MESP1: variants seen among roughly 807,000 people sequenced by gnomAD.
MESP1 encodes the protein mesoderm posterior protein 1.
MESP1 carries 22 observed loss-of-function variants against 15.2 expected under a neutral mutation model. The observed-to-expected ratio is 1.45, with a 90% CI of 1.04 to 2.07. The LOEUF (loss-of-function observed/expected upper bound fraction) is 2.07. Among genes scored for constraint, MESP1 ranks in the 30% most tolerant of loss-of-function variants. MESP1 has a pLI of 0.00. For missense variants in MESP1, 484 were observed against 411.9 expected, an observed-to-expected ratio of 1.17 and a Z score of -1.51; for synonymous variants, 216 against 192.6, an observed-to-expected ratio of 1.12 and a Z score of -1.01.
Position 89,751,182 on chromosome 15 carries a change from G to A in MESP1, c.50C>T (p.Ala17Val), listed in dbSNP as rs866371758. The A allele has an allele frequency of 7.9e-7, 1 of 1,269,986 alleles. No individual in the cohort carries two copies. The highest frequency in any genetic ancestry group is 9.9e-7 in the Non-Finnish European group (1 of 1,010,158). 78.7% of individuals were successfully genotyped at this position (1,269,986 alleles called of 1,614,324 possible). A position where few individuals can be genotyped will look rare whatever the true frequency, so the allele number is the denominator to read the frequency against. The change falls in exon 1 of 2, where the codon GCG becomes GTG. Residue 17 changes from alanine (A) to valine (V), a missense_variant. Transcript: ENST00000300057. The part of the protein sequence containing the change: ...PPLSESWMLS[A>V]AWGPTRRPPP... ...CGGCCGCCGAGTTGGGCCCCAGGCC[G>A]CAGAGAGCATCCAGGACTCGGAGAG... is the stretch of plus-strand genomic sequence containing the variant.
chr15:89,743,165 G>C, the MESP1 span: 2 of 853,498 alleles, frequency 2.3e-6, no homozygotes, highest in Non-Finnish European at 1.9e-6. Flanking sequence ...TGAGGACACA[G>C]AGGCGATGCA....
chr15:89,747,189 C>T (rs923002262), downstream of MESP1, among the ~76,000 whole-genome samples: 1 of 152,086 alleles, frequency 6.6e-6, no homozygotes, highest in African/African-American at 2.4e-5. Context: ...CAGGCTTCAC[C>T]AACCACCAGC....
chr15:89,738,258 C>T, the MESP1 span: 1 of 1,561,262 alleles, frequency 6.4e-7, no homozygotes, highest in Non-Finnish European at 8.7e-7. Flanking sequence ...TGTGTCTTCA[C>T]CCCCTCCCAC....
the MESP1 span, among the ~76,000 whole-genome samples, chr15:89,734,062 T>G: frequency 6.6e-6 from 1 of 151,860 alleles, no homozygotes; most frequent in East Asian, 1.9e-4. Context: ...AATAATGAGA[T>G]CAACTCCCCT....
chr15:89,750,921 T>A lies in MESP1; in HGVS notation c.311A>T (p.Glu104Val). The A allele has an allele frequency of 6.8e-7, 1 of 1,479,860 alleles. No individual in the cohort carries two copies. The highest frequency in any genetic ancestry group is 1.4e-5 in the African/African-American group (1 of 69,144). The allele number at this position is 1,479,860 out of a possible 1,614,324, so 91.7% of individuals were successfully genotyped here. ...GGACGGCGGTAGAAAGCGGCGCAGC[T>A]CGTGCAGGGCGCGGGCCAGCGTGCG... ...RMRTLARALHELRRFLPPSVA... is the reference protein window; with the variant it reads ...RMRTLARALHVLRRFLPPSVA... The change falls in exon 1 of 2, where the codon GAG becomes GTG. Residue 104 changes from glutamate (E) to valine (V), a missense_variant. Transcript: ENST00000300057.
chr15:89,739,091 G>T, the MESP1 span, among the ~76,000 whole-genome samples: 1 of 150,220 alleles, frequency 6.7e-6, no homozygotes, highest in African/African-American at 2.5e-5. Flanking sequence ...ACTCCAGCCT[G>T]GGTGACAGAG....
the MESP1 span, among the ~76,000 whole-genome samples, chr15:89,734,078 C>T: frequency 2.0e-5 from 3 of 152,058 alleles, no homozygotes; most frequent in African/African-American, 7.2e-5. Context: ...CCCCTGAAAC[C>T]GTTGGAAATC....
chr15:89,746,990 C>A (rs1967977675), downstream of MESP1, among the ~76,000 whole-genome samples: 2 of 148,824 alleles, frequency 1.3e-5, no homozygotes, highest in South Asian at 2.2e-4. Context: ...CAGAGCCCCG[C>A]CGCCACACAC....
At chr15:89,743,274 C>T in the MESP1 span, 1 of 1,613,594 alleles carries the variant, frequency 6.2e-7, no homozygotes, top group South Asian at 1.1e-5. Flanking sequence ...CCTCTCATCA[C>T]AGTTGTGTGG....
chr15:89,738,667 G>A, the MESP1 span, among the ~76,000 whole-genome samples: 2 of 151,274 alleles, frequency 1.3e-5, no homozygotes, highest in African/African-American at 2.4e-5. Flanking sequence ...TAAGTGAAGG[G>A]TTCTACCCCA....
At position 89,750,926 on chromosome 15, in the gene MESP1, C is replaced by A; in HGVS notation, c.306G>T (p.Leu102=). 6.8e-7 allele frequency: 1 copy of A among 1,471,300 alleles called. No individual in the cohort carries two copies. The highest frequency in any genetic ancestry group is 1.3e-5 in the South Asian group (1 of 76,432). 91.1% of individuals were successfully genotyped at this position (1,471,300 alleles called of 1,614,324 possible). Residue 102 remains leucine (L), a synonymous_variant, in exon 1 of 2, where the codon CTG becomes CTT. Coordinates refer to ENST00000300057, the MANE Select transcript of MESP1 (RefSeq NM_018670.4). ...GCGGTAGAAAGCGGCGCAGCTCGTGCAGGGCGCGGGCCAGCGTGCGCATGC... is the reference window on the plus strand; with the variant it reads ...GCGGTAGAAAGCGGCGCAGCTCGTGAAGGGCGCGGGCCAGCGTGCGCATGC... ...KLRMRTLARA[L]HELRRFLPPS... is the part of the protein sequence containing the mutation.
At chr15:89,740,148 G>A in the MESP1 span, among the ~76,000 whole-genome samples, 1 of 152,202 alleles carries the variant, frequency 6.6e-6, no homozygotes, top group Non-Finnish European at 1.5e-5. Context: ...GGCACAGAGT[G>A]GTTGCTCAGT....
chr15:89,738,086 A>G, the MESP1 span: 27 of 1,613,612 alleles, frequency 1.7e-5, no homozygotes, highest in Non-Finnish European at 2.2e-5. Flanking sequence ...GCTGGAATCC[A>G]ATATTCTGTT....
Position 89,749,998 on chromosome 15 carries a change from G to T in MESP1, c.*146C>A. On this transcript the variant is annotated 3_prime_UTR_variant, in exon 2 of 2. Transcript: ENST00000300057. ...GGAGGGGCTGAGAAGGGCCGCCGCG[G>T]TGGGGACGGCTCTCACCCGCAGGAA... The T allele has an allele frequency of 1.3e-6, 1 of 770,024 alleles. No individual in the cohort carries two copies. The highest frequency in any genetic ancestry group is 2.2e-6 in the Non-Finnish European group (1 of 446,778). The allele number at this position is 770,024 out of a possible 1,614,324, so 47.7% of individuals were successfully genotyped here.
At chr15:89,748,460 G>T (rs572832785), downstream of MESP1, among the ~76,000 whole-genome samples, 2 of 152,346 alleles carry the variant, frequency 1.3e-5, no homozygotes, top group South Asian at 4.1e-4. Flanking sequence ...GGCCCGGGCC[G>T]GAGTACTGGA....
chr15:89,749,871 C>T (rs1421244211), downstream of MESP1: 1 of 418,764 alleles, frequency 2.4e-6, no homozygotes, highest in Non-Finnish European at 4.4e-6. Flanking sequence ...AAGAAATTGC[C>T]AACTGACACC....
chr15:89,748,838 ACT>A (rs1968024734), downstream of MESP1: 1 of 152,124 alleles, frequency 6.6e-6, no homozygotes, highest in Non-Finnish European at 1.5e-5. Context: ...TGCTTGCACA[ACT>A]CTGTGGATGT....
At chr15:89,738,164 G>C in the MESP1 span, 1 of 1,614,204 alleles carries the variant, frequency 6.2e-7, no homozygotes, top group Admixed American at 1.7e-5. Context: ...ATTCCTCAAA[G>C]GGACTTGGAT....
chr15:89,734,327 C>G, the MESP1 span, among the ~76,000 whole-genome samples: 1 of 152,146 alleles, frequency 6.6e-6, no homozygotes, highest in Non-Finnish European at 1.5e-5. Context: ...TCAGGCAGCT[C>G]ACAGCTCTTC....
Sources: gnomAD v4.1 joint callset for allele counts (sites outside exome capture counted in the v4.1 genomes callset) on GRCh38, gnomAD v4.1.1 for gene constraint, MANE v1.5 for transcripts, NCBI Gene and HGNC (gene_info 2026-07-23, HGNC 2026-07-21) for gene names.